The following ARHGEF26 variants were observed in gnomAD, a reference collection of about 807,000 sequenced individuals.
ARHGEF26 encodes the protein Rho guanine nucleotide exchange factor 26, also known as Rho guanine nucleotide exchange factor (GEF) 26.
Under a neutral mutation model 89.4 loss-of-function variants are expected in ARHGEF26, and 59 were observed. The ratio of observed to expected loss-of-function variants is 0.66; its 90% CI spans 0.54 to 0.82. The LOEUF (loss-of-function observed/expected upper bound fraction) is 0.82. ARHGEF26 is among the 40% of genes least tolerant of loss of function. ARHGEF26 has a pLI of 0.00. For synonymous variants in ARHGEF26, 500 were observed against 428.4 expected, an observed-to-expected ratio of 1.17 and a Z score of -2.06; for missense variants, 1,234 against 1,085.6, an observed-to-expected ratio of 1.14 and a Z score of -1.92.
In ARHGEF26 at chr3:154,255,956, A is replaced by G. The variant is rs1576839478; in HGVS notation, c.*483A>G. The G allele has an allele frequency of 1.0e-6, 1 of 986,006 alleles. No homozygotes were observed. Among genetic ancestry groups the G allele is most frequent in the Admixed American group, 6.1e-5 (1 of 16,280 alleles). The allele number at this position is 986,006 out of a possible 1,614,324, so 61.1% of individuals were successfully genotyped here. A position where few individuals can be genotyped will look rare whatever the true frequency, so the allele number is the denominator to read the frequency against. On this transcript the variant is annotated 3_prime_UTR_variant, in exon 15 of 15. Transcript: ENST00000465093. ...TTTTCTTTTTTTACATCTGATTTTA[A>G]TGCTTCGTTAACTTCAAAAGGAACT...
chr3:154,137,821 A>AG (rs984723525), intron 4 of ARHGEF26, among the ~76,000 whole-genome samples: 2 of 150,982 alleles, frequency 1.3e-5, no homozygotes, highest in African/African-American at 4.9e-5. Context: ...CTTAAAAAAA[A>AG]AAAAAAAGAA....
chr3:154,232,747 T>A (rs1716894294), intron 11 of ARHGEF26, among the ~76,000 whole-genome samples: 1 of 152,194 alleles, frequency 6.6e-6, no homozygotes, highest in Non-Finnish European at 1.5e-5. Flanking sequence ...TTGGTACTGT[T>A]ATTCCCACTT....
At chr3:154,226,110 T>C in intron 11 of ARHGEF26, 100 bp downstream of exon 11, 3 of 1,076,492 alleles carry the variant, frequency 2.8e-6, no homozygotes, top group Non-Finnish European at 3.8e-6. Flanking sequence ...CTAGAAATGT[T>C]GGAAGTATAG....
intron 13 of ARHGEF26, 21 bp from the exon 14 acceptor site, chr3:154,254,699 T>TAC (rs1273922256): frequency 1.2e-6 from 2 of 1,601,302 alleles, no homozygotes; most frequent in Non-Finnish European, 1.7e-6. Context: ...GGAAACTTAG[T>TAC]ATGTCCTCTT....
intron 4 of ARHGEF26, among the ~76,000 whole-genome samples, chr3:154,137,379 A>T (rs968289279): frequency 6.6e-6 from 1 of 152,180 alleles, no homozygotes; most frequent in African/African-American, 2.4e-5. Flanking sequence ...CTCTCACCAA[A>T]TGTAGCCCCT....
chr3:154,216,502 ATTT>A (rs1293834056), intron 9 of ARHGEF26, among the ~76,000 whole-genome samples: 881 of 49,122 alleles, frequency 0.018, 13 homozygotes, highest in African/African-American at 0.069. Flanking sequence ...ATTTTTTTTT[ATTT>A]TTTATTTTTT....
At chr3:154,240,635 T>A in intron 12 of ARHGEF26, 56 bp downstream of exon 12, 2 of 1,473,050 alleles carry the variant, frequency 1.4e-6, no homozygotes, top group Non-Finnish European at 1.8e-6. Flanking sequence ...CTGACCTGAT[T>A]TTCTTTGGTT....
rs372751572 is a variant in ARHGEF26, at chr3:154,253,157, G to A, written c.2342G>A (p.Ser781Asn). The A allele has an allele frequency of 4.3e-6, 7 of 1,614,052 alleles. No homozygotes were observed. The highest frequency in any genetic ancestry group is 3.3e-5 in the Admixed American group (2 of 60,030). ...ARWITALGHS[S>N]GKPPADRTSL... The stretch of plus-strand genomic sequence containing the variant: ...TGGATAACTGCCCTGGGACACAGCA[G>A]CGGGAAGCCGCCTGCAGACCGAACC... The change falls in exon 13 of 15, where the codon AGC (serine) becomes AAC (asparagine). Residue 781 changes from serine to asparagine, a missense_variant. Transcript: ENST00000465093.
At chr3:154,162,715 A>C (rs1711742919) in intron 6 of ARHGEF26, among the ~76,000 whole-genome samples, 1 of 151,982 alleles carries the variant, frequency 6.6e-6, no homozygotes, top group South Asian at 2.1e-4. Context: ...GTGAGAGTGC[A>C]CTGTGATGGA....
intron 6 of ARHGEF26, among the ~76,000 whole-genome samples, chr3:154,172,559 T>A (rs2108142456): frequency 6.6e-6 from 1 of 152,232 alleles, no homozygotes; most frequent in East Asian, 1.9e-4. Context: ...CTGGGCGTGG[T>A]GGTGTGTGCC....
chr3:154,250,386 G>A (rs567082723), intron 12 of ARHGEF26, among the ~76,000 whole-genome samples: 3 of 151,204 alleles, frequency 2.0e-5, no homozygotes, highest in African/African-American at 7.4e-5. Context: ...CATCTAAGAG[G>A]GGGGGGTGGG....
Position 154,255,414 on chromosome 3 carries a change from A to G in ARHGEF26, c.2557A>G (p.Thr853Ala), listed in dbSNP as rs1450641739. The G allele has an allele frequency of 1.2e-6, 2 of 1,613,780 alleles. No homozygotes were observed. Among genetic ancestry groups the G allele is most frequent in the Admixed American group, 3.3e-5 (2 of 59,968 alleles). ...TGCCAAGGAGATAACATGTCAAGCT[A>G]CAATTGATAAGAATGTGGAGAGAAT... ...ECAKEITCQA[T>A]IDKNVERMGR... Residue 853 changes from threonine to alanine, a missense_variant, in exon 15 of 15, where the codon ACA becomes GCA. Coordinates refer to ENST00000465093, the MANE Select transcript of ARHGEF26 (RefSeq NM_015595.4).
chr3:154,167,714 T>C (rs357486), intron 6 of ARHGEF26, among the ~76,000 whole-genome samples: 78,099 of 151,956 alleles, frequency 0.51, 20,284 homozygotes, highest in Non-Finnish European at 0.54. Context: ...ATACGAAACA[T>C]ATTTCTAGTT....
intron 13 of ARHGEF26, 143 bp downstream of exon 13, chr3:154,253,326 T>A: frequency 1.1e-6 from 1 of 887,830 alleles, no homozygotes. Context: ...ACCAAAAATG[T>A]ATGATCCTTG....
At chr3:154,190,301 C>G (rs980912754) in intron 7 of ARHGEF26, among the ~76,000 whole-genome samples, 30 of 152,086 alleles carry the variant, frequency 2.0e-4, no homozygotes, top group African/African-American at 7.0e-4. Flanking sequence ...TACTTGAGGC[C>G]AGGAGTTCGA....
chr3:154,162,111 A>G (rs1711701928), intron 6 of ARHGEF26, among the ~76,000 whole-genome samples: 1 of 152,196 alleles, frequency 6.6e-6, no homozygotes, highest in South Asian at 2.1e-4. Flanking sequence ...GGAAAAAGAA[A>G]CAATGACTGG....
intron 13 of ARHGEF26, among the ~76,000 whole-genome samples, chr3:154,254,007 C>T (rs1718323724): frequency 6.6e-6 from 1 of 152,178 alleles, no homozygotes; most frequent in Non-Finnish European, 1.5e-5. Flanking sequence ...GCTCCGTCTC[C>T]TGGGTTCATA....
At position 154,188,173 on chromosome 3, in the gene ARHGEF26, C is replaced by T. The variant is rs1442277601; in HGVS notation, c.1640+336C>T. On this transcript the variant is annotated intron_variant, in intron 7 of 14. Transcript: ENST00000465093. ...TTTTACTGGCAATTAAGTGGTTTTCCTGAGGCTTAGAGGGGATTCTTGAGT... is the reference window on the plus strand; with the variant it reads ...TTTTACTGGCAATTAAGTGGTTTTCTTGAGGCTTAGAGGGGATTCTTGAGT... 3.9e-5 allele frequency among the ~76,000 whole-genome samples: 6 copies of T among 152,118 alleles called. No homozygotes were observed. The East Asian group carries it at 5.8e-4, about 15-fold the overall frequency.
intron 9 of ARHGEF26, among the ~76,000 whole-genome samples, chr3:154,201,074 A>T (rs1386534457): frequency 1.3e-5 from 2 of 152,062 alleles, no homozygotes; most frequent in Non-Finnish European, 2.9e-5. Flanking sequence ...GTATGTGTAT[A>T]AATGTGCCAT....
Sources: gnomAD v4.1 joint callset for allele counts (sites outside exome capture counted in the v4.1 genomes callset) on GRCh38, gnomAD v4.1.1 for gene constraint, MANE v1.5 for transcripts, NCBI Gene and HGNC (gene_info 2026-07-23, HGNC 2026-07-21) for gene names.